The following SCNN1G variants were observed in gnomAD, a reference collection of about 807,000 sequenced individuals.
SCNN1G encodes epithelial sodium channel subunit gamma.
In SCNN1G, 27 loss-of-function variants were observed where a neutral mutation model predicts 64.6. That is an observed-to-expected ratio of 0.42 (90% confidence interval 0.31 to 0.58). The LOEUF (loss-of-function observed/expected upper bound fraction) is 0.58. SCNN1G is among the 20% of genes least tolerant of loss of function. The pLI is 0.18. For synonymous variants in SCNN1G, 330 were observed against 314.2 expected (o/e 1.05, Z -0.53); for missense variants, 743 against 823.4 (o/e 0.90, Z 1.19).
Position 23,192,463 on chromosome 16 carries a change from G to T in SCNN1G, c.730G>T (p.Glu244Ter). 1 of 1,613,816 alleles carries T rather than the reference G, an allele frequency of 6.2e-7. No homozygotes were observed. The highest frequency in any genetic ancestry group is 8.5e-7 in the Non-Finnish European group (1 of 1,179,992). ...GAACATCATGGCACAGGTGCCTCTG[G>T]AGAAGAAAATCAACATGAGCTATTC... is the stretch of plus-strand genomic sequence containing the variant. ...YMNIMAQVPL[E>*]KKINMSYSAE... Residue 244 changes from glutamate (E) to a stop codon, truncating the protein, a stop_gained, in exon 4 of 13, where the codon GAG becomes TAG. Transcript: ENST00000300061. LOFTEE classifies it high-confidence loss of function.
At chr16:23,187,669 C>T (rs1163963909) in intron 2 of SCNN1G, among the ~76,000 whole-genome samples, 1 of 152,184 alleles carries the variant, frequency 6.6e-6, no homozygotes, top group African/African-American at 2.4e-5. Context: ...TCAGCTGCCC[C>T]AAACCCTCAT....
intron 11 of SCNN1G, among the ~76,000 whole-genome samples, chr16:23,214,142 T>C (rs962132645): frequency 3.9e-5 from 6 of 152,208 alleles, no homozygotes; most frequent in Non-Finnish European, 8.8e-5. Context: ...GCTCAGCCAA[T>C]TATTGACAGC....
At chr16:23,195,788 A>G (rs201427967) in intron 5 of SCNN1G, 1 of 33,546 alleles carries the variant, frequency 3.0e-5, no homozygotes, top group Non-Finnish European at 7.6e-5. Context: ...AATTGTTTAC[A>G]AATCGTTTGC....
chr16:23,207,255 G>C (rs777035970), intron 6 of SCNN1G, among the ~76,000 whole-genome samples: 15 of 152,188 alleles, frequency 9.9e-5, no homozygotes, highest in Non-Finnish European at 2.2e-4. Context: ...TAAGTGGACA[G>C]ACCCCTCATC....
At chr16:23,213,249 CCT>C (rs1960109875) in intron 11 of SCNN1G, 86 bp downstream of exon 11, 4 of 791,168 alleles carry the variant, frequency 5.1e-6, no homozygotes, top group South Asian at 1.6e-5. Context: ...ATGGCCAAAT[CCT>C]CTTTTTTTTT....
chr16:23,189,725 G>A, intron 3 of SCNN1G, 54 bp downstream of exon 3: 16 of 1,546,904 alleles, frequency 1.0e-5, no homozygotes, highest in Non-Finnish European at 1.4e-5. Context: ...GATGGGCTGG[G>A]TCCAGGACTC....
At chr16:23,201,369 T>A (rs557405144) in intron 6 of SCNN1G, among the ~76,000 whole-genome samples, 12 of 152,310 alleles carry the variant, frequency 7.9e-5, no homozygotes, top group Admixed American at 3.3e-4. Flanking sequence ...AGCTTGGAAA[T>A]ACCCACCACA....
At chr16:23,207,184 T>C (rs1396696165) in intron 6 of SCNN1G, among the ~76,000 whole-genome samples, 4 of 152,220 alleles carry the variant, frequency 2.6e-5, no homozygotes, top group Non-Finnish European at 5.9e-5. Flanking sequence ...AAGCAGGCCA[T>C]GGGCTGGTTT....
chr16:23,206,346 C>T (rs1393443252), intron 6 of SCNN1G, among the ~76,000 whole-genome samples: 1 of 152,190 alleles, frequency 6.6e-6, no homozygotes, highest in African/African-American at 2.4e-5. Context: ...AGCTGGCTCT[C>T]TAACCCCAGA....
At chr16:23,202,772 T>C (rs924592894) in intron 6 of SCNN1G, among the ~76,000 whole-genome samples, 21 of 152,130 alleles carry the variant, frequency 1.4e-4, no homozygotes, top group African/African-American at 5.1e-4. Flanking sequence ...TAGATTGATA[T>C]TTAGGTCCTG....
intron 6 of SCNN1G, 47 bp from the exon 7 acceptor site, chr16:23,209,703 G>T (rs1960047437): frequency 7.0e-7 from 1 of 1,423,370 alleles, no homozygotes. Flanking sequence ...GCCCCCGCCT[G>T]GGTCCGGGGG....
chr16:23,188,750 G>A (rs1959655395), intron 2 of SCNN1G, among the ~76,000 whole-genome samples: 1 of 152,164 alleles, frequency 6.6e-6, no homozygotes, highest in Admixed American at 6.5e-5. Flanking sequence ...GCTATGCTCT[G>A]CTGCCTATGC....
chr16:23,195,473 T>C (rs1959780888), intron 5 of SCNN1G, among the ~76,000 whole-genome samples: 1 of 152,204 alleles, frequency 6.6e-6, no homozygotes, highest in Non-Finnish European at 1.5e-5. Flanking sequence ...TATGTAGATA[T>C]ACTCGCACCA....
At position 23,215,560 on chromosome 16, in the gene SCNN1G, C is replaced by A; in HGVS notation, c.*91C>A. ...CCCCCAGACGTGTGCACAGGGGACC[C>A]TCTGCCCCACTCTGGGCTTTTCAGA... On this transcript the variant is annotated 3_prime_UTR_variant, in exon 13 of 13. Transcript: ENST00000300061. 6.8e-7 allele frequency: 1 copy of A among 1,467,872 alleles called. No homozygotes were observed. The highest frequency in any genetic ancestry group is 1.1e-5 in the South Asian group (1 of 87,750). 90.9% of individuals were successfully genotyped at this position (1,467,872 alleles called of 1,614,324 possible).
chr16:23,183,566 A>G (rs1234940572), intron 1 of SCNN1G, among the ~76,000 whole-genome samples: 1 of 152,174 alleles, frequency 6.6e-6, no homozygotes, highest in Non-Finnish European at 1.5e-5. Flanking sequence ...AGCCGCTGCG[A>G]TGAGCCAGGG....
chr16:23,216,511 C>G lies in SCNN1G; in HGVS notation c.*1042C>G, dbSNP rs188729501. 3 of 152,284 alleles carry G rather than the reference C, an allele frequency of 2.0e-5. No homozygotes were observed. In the East Asian group the frequency reaches 5.8e-4, roughly 29 times the overall value. 9.4% of individuals were successfully genotyped at this position (152,284 alleles called of 1,614,324 possible). On this transcript the variant is annotated 3_prime_UTR_variant, in exon 13 of 13. Coordinates refer to ENST00000300061, the MANE Select transcript of SCNN1G (RefSeq NM_001039.4). ...ATCCTTGGTTGGTGTTTAAAGCCAACCCAAGAACAGGGTGTTAGGTACTGT... is the reference window on the plus strand; with the variant it reads ...ATCCTTGGTTGGTGTTTAAAGCCAAGCCAAGAACAGGGTGTTAGGTACTGT...
intron 7 of SCNN1G, among the ~76,000 whole-genome samples, chr16:23,211,033 G>A (rs537771747): frequency 4.8e-5 from 7 of 144,984 alleles, no homozygotes; most frequent in African/African-American, 1.5e-4. Context: ...ACAAGACCCT[G>A]TCTTTAAAAA....
Position 23,185,071 on chromosome 16 carries a change from T to G in SCNN1G, c.-44-1157T>G, listed in dbSNP as rs181252435. Among the ~76,000 whole-genome samples the G allele has an allele frequency of 7.2e-4, 110 of 152,330 alleles. 1 individual carries two copies. Among genetic ancestry groups the G allele is most frequent in the African/African-American group, 2.3e-3 (94 of 41,582 alleles). Reference sequence around the variant, plus strand: ...AATTAACTCCCTGCACCCAGCGTACTACCAGGCCCCTCAAAGGCGTATGCC... The same window carrying G: ...AATTAACTCCCTGCACCCAGCGTACGACCAGGCCCCTCAAAGGCGTATGCC... On this transcript the variant is annotated intron_variant, in intron 1 of 12. Transcript: ENST00000300061.
intron 10 of SCNN1G, 83 bp downstream of exon 10, chr16:23,212,977 G>A (rs776288428): frequency 2.0e-5 from 31 of 1,537,040 alleles, no homozygotes; most frequent in Non-Finnish European, 2.8e-5. Flanking sequence ...TCTGGCCTGG[G>A]ACATGGTCCA....
Sources: allele counts gnomAD v4.1 joint callset (sites outside exome capture counted in the v4.1 genomes callset), GRCh38; gene constraint gnomAD v4.1.1; transcripts MANE v1.5; gene names NCBI Gene and HGNC (gene_info 2026-07-23, HGNC 2026-07-21).